The following CD5 variants were observed in gnomAD, a reference collection of about 807,000 sequenced individuals.
The protein encoded by CD5 is T-cell surface glycoprotein CD5.
A neutral mutation model predicts 60.3 loss-of-function variants in CD5; 36 were observed. The observed-to-expected ratio is 0.60, with a 90% confidence interval of 0.46 to 0.79. The LOEUF is 0.79. Among genes scored for constraint, CD5 ranks in the 30% least tolerant of loss-of-function variants. The probability of loss-of-function intolerance (pLI) is 0.00; values close to 1 mark genes in which losing one functional copy is unlikely to be tolerated. For synonymous variants in CD5, 230 were observed against 257.6 expected (o/e 0.89, Z 1.03); for missense variants, 540 against 630.6 (o/e 0.86, Z 1.54).
intron 6 of CD5, among the ~76,000 whole-genome samples, chr11:61,122,518 G>A (rs1473911505): frequency 6.6e-6 from 1 of 152,098 alleles, no homozygotes; most frequent in Admixed American, 6.5e-5. Context: ...TGGACAGAAG[G>A]GCGGATGGAC....
rs762944260 is a variant in CD5 at position 61,123,873 on chromosome 11, C to T, written c.1226-11C>T. ...CACCACTCTGATGTGCCTTTCTTGT[C>T]TCTTGCCCAGTCCGCCAGAAGAAGC... On this transcript the variant is annotated splice_polypyrimidine_tract_variant and intron_variant, in intron 7 of 10. Transcript: ENST00000347785. 1.5e-6 allele frequency: 2 copies of T among 1,359,442 alleles called. No homozygotes were observed. Among genetic ancestry groups the T allele is most frequent in the South Asian group, 2.3e-5 (2 of 87,928 alleles). The allele number at this position is 1,359,442 out of a possible 1,614,324, so 84.2% of individuals were successfully genotyped here.
At chr11:61,116,638 CA>C (rs1860960457) in intron 2 of CD5, among the ~76,000 whole-genome samples, 3 of 142,166 alleles carry the variant, frequency 2.1e-5, no homozygotes, top group African/African-American at 8.0e-5. Context: ...CCACACACAC[CA>C]CACACACCCC....
At chr11:61,116,786 ACAC>A (rs1347045924) in intron 2 of CD5, among the ~76,000 whole-genome samples, 2 of 141,168 alleles carry the variant, frequency 1.4e-5, no homozygotes, top group South Asian at 2.3e-4. Context: ...CACCACACAC[ACAC>A]ACCACCTGCA....
rs1300824896 is a variant in CD5, at chr11:61,109,896, G to A, written c.56-5160G>A. Among the ~76,000 whole-genome samples, 4 of 152,160 alleles carry A rather than the reference G, an allele frequency of 2.6e-5. 1 individual carries two copies. The highest frequency in any genetic ancestry group is 2.1e-4 in the South Asian group (1 of 4,832). Reference sequence around the variant, plus strand: ...CGTAGCCCCAGTTGCTCGGGGTGAGGGGTGGCTGGCGGATAAGGAAACGGC... The same window carrying A: ...CGTAGCCCCAGTTGCTCGGGGTGAGAGGTGGCTGGCGGATAAGGAAACGGC... On this transcript the variant is annotated intron_variant, in intron 1 of 10. Coordinates refer to ENST00000347785, the MANE Select transcript of CD5 (RefSeq NM_014207.4).
upstream of CD5, among the ~76,000 whole-genome samples, chr11:61,101,358 G>A (rs1860681385): frequency 1.4e-5 from 1 of 73,450 alleles, no homozygotes. Flanking sequence ...ACATCAACAT[G>A]GAGATCACAC....
chr11:61,118,509 C>T lies in CD5; in HGVS notation c.400+29C>T, dbSNP rs374323896. 7 of 1,600,726 alleles carry T rather than the reference C, an allele frequency of 4.4e-6. No homozygotes were observed. Among genetic ancestry groups the T allele is most frequent in the Non-Finnish European group, 6.0e-6 (7 of 1,172,040 alleles). ...GGTAACTAGCCAGCCACACGGGCAC[C>T]CTGGGCCTGGGCGCCAGCCCCGAGG... On this transcript the variant is annotated intron_variant, in intron 3 of 10. Coordinates refer to ENST00000347785, the MANE Select transcript of CD5 (RefSeq NM_014207.4). This position sits in a 1 kb window ranked among gnomAD's most constrained non-coding sequence, Gnocchi z 4.7.
At chr11:61,111,436 A>T (rs1860854193) in intron 1 of CD5, among the ~76,000 whole-genome samples, 1 of 152,128 alleles carries the variant, frequency 6.6e-6, no homozygotes, top group Admixed American at 6.5e-5. Flanking sequence ...TCTGTGATGA[A>T]CCATACCGTG....
intron 2 of CD5, among the ~76,000 whole-genome samples, chr11:61,115,380 C>T (rs184652206): frequency 2.3e-4 from 35 of 152,188 alleles, no homozygotes; most frequent in Non-Finnish European, 8.8e-5. Flanking sequence ...GACATCCCAG[C>T]TCATAAATGT....
At chr11:61,097,624 C>T (rs1438596522), upstream of CD5, among the ~76,000 whole-genome samples, 2 of 152,188 alleles carry the variant, frequency 1.3e-5, no homozygotes, top group African/African-American at 2.4e-5. Context: ...GTTATTGGCA[C>T]TATTAAACCA....
chr11:61,122,790 TG>T, intron 6 of CD5, 116 bp from the exon 7 acceptor site: 1 of 1,124,252 alleles, frequency 8.9e-7, no homozygotes. Flanking sequence ...CCGTGCATGC[TG>T]GTGAATTTCT....
intron 1 of CD5, among the ~76,000 whole-genome samples, chr11:61,110,155 A>G (rs957566169): frequency 6.6e-6 from 1 of 152,108 alleles, no homozygotes; most frequent in African/African-American, 2.4e-5. Context: ...GAAATAGGTT[A>G]TGGACCCTCA....
At position 61,127,334 on chromosome 11, in the gene CD5, G is replaced by A. The variant is rs1343078204; in HGVS notation, c.*1049G>A. The A allele has an allele frequency of 3.3e-5, 1 of 30,122 alleles. No individual in the cohort carries two copies. The highest frequency in any genetic ancestry group is 1.2e-4 in the African/African-American group (1 of 8,394). The allele number at this position is 30,122 out of a possible 1,614,324, so 1.9% of individuals were successfully genotyped here. ...GAGGCCAGGCGCAGCTCACTGCGGC[G>A]GCTCCCTAAGAAGGTGAAGCAACAT... On this transcript the variant is annotated 3_prime_UTR_variant, in exon 11 of 11. Coordinates refer to ENST00000347785, the MANE Select transcript of CD5 (RefSeq NM_014207.4).
upstream of CD5, among the ~76,000 whole-genome samples, chr11:61,101,032 A>G (rs1333322225): frequency 1.7e-5 from 2 of 116,422 alleles, no homozygotes; most frequent in Admixed American, 8.8e-5. Flanking sequence ...ACACACACAC[A>G]TCAACATGGA....
At position 61,123,920 on chromosome 11, in the gene CD5, C is replaced by G. The variant is rs776691755; in HGVS notation, c.1262C>G (p.Thr421Arg). 1.2e-6 allele frequency: 2 copies of G among 1,612,802 alleles called. No individual in the cohort carries two copies. The highest frequency in any genetic ancestry group is 4.5e-5 in the East Asian group (2 of 44,818). Residue 421 changes from threonine to arginine, a missense_variant, in exon 8 of 11, where the codon ACG becomes AGG. Thr to Arg is a moderately conservative substitution (Grantham distance 71). Coordinates refer to ENST00000347785, the MANE Select transcript of CD5 (RefSeq NM_014207.4). ...QKKQRQWIGP[T>R]GMNQNMSFHR... is the part of the protein sequence containing the mutation. ...AAGCAGCGCCAGTGGATTGGCCCAACGGGAATGAACCAAAACAGTAAGTGT... is the reference window on the plus strand; with the variant it reads ...AAGCAGCGCCAGTGGATTGGCCCAAGGGGAATGAACCAAAACAGTAAGTGT...
chr11:61,104,175 T>C (rs1274726124), intron 1 of CD5, among the ~76,000 whole-genome samples: 1 of 152,096 alleles, frequency 6.6e-6, no homozygotes, highest in South Asian at 2.1e-4. Flanking sequence ...TCTGTGCGCA[T>C]GTGTGTGAGA....
At position 61,105,111 on chromosome 11, in the gene CD5, G is replaced by A. The variant is rs537684922; in HGVS notation, c.55+2496G>A. 2.0e-4 allele frequency among the ~76,000 whole-genome samples: 31 copies of A among 152,356 alleles called. 1 individual carries two copies. In the South Asian group the frequency reaches 3.5e-3, roughly 17 times the overall value. On this transcript the variant is annotated intron_variant, in intron 1 of 10. Transcript: ENST00000347785. Reference sequence around the variant, plus strand: ...ACCACAGCCTCCTGGCTGGCATCGGGGCTTGGGGACCTTTGGATCCTGAGG... The same window carrying A: ...ACCACAGCCTCCTGGCTGGCATCGGAGCTTGGGGACCTTTGGATCCTGAGG...
intron 1 of CD5, among the ~76,000 whole-genome samples, chr11:61,111,643 G>A (rs936794579): frequency 2.6e-5 from 4 of 152,188 alleles, no homozygotes; most frequent in Non-Finnish European, 4.4e-5. Context: ...TTGAAAAGTC[G>A]TAAGTTGAAC....
chr11:61,116,691 CAT>C (rs1565185154), intron 2 of CD5, among the ~76,000 whole-genome samples: 44 of 128,498 alleles, frequency 3.4e-4, no homozygotes, highest in Admixed American at 7.3e-4. Flanking sequence ...ACACACACCA[CAT>C]ACACACCACA....
chr11:61,118,234 C>A lies in CD5; in HGVS notation c.154C>A (p.Leu52Ile), dbSNP rs1860992933. Residue 52 changes from leucine (L) to isoleucine (I), a missense_variant, in exon 3 of 11, where the codon CTC becomes ATC. Coordinates refer to ENST00000347785, the MANE Select transcript of CD5 (RefSeq NM_014207.4). The surrounding 1 kb of genome is among the most constrained non-coding windows in gnomAD (Gnocchi z 4.7). ...SKCQGQLEVYLKDGWHMVCSQ... is the reference protein window; with the variant it reads ...SKCQGQLEVYIKDGWHMVCSQ... ...GTGCCAGGGCCAGCTGGAGGTCTAC[C>A]TCAAGGACGGATGGCACATGGTTTG... 2 of 1,614,136 alleles carry A rather than the reference C, an allele frequency of 1.2e-6. No homozygotes were observed. Among genetic ancestry groups the A allele is most frequent in the Non-Finnish European group, 1.7e-6 (2 of 1,180,056 alleles).
Sources: allele counts gnomAD v4.1 joint callset (sites outside exome capture counted in the v4.1 genomes callset), GRCh38; gene constraint gnomAD v4.1.1; non-coding constraint Gnocchi (gnomAD v3.1); transcripts MANE v1.5; gene names NCBI Gene and HGNC (gene_info 2026-07-23, HGNC 2026-07-21).